Variants in ANKFN1 observed in about 807,000 individuals in gnomAD.
ANKFN1 encodes ankyrin repeat and fibronectin type-III domain-containing protein 1.
Under a neutral mutation model 108.7 loss-of-function variants are expected in ANKFN1, and 74 were observed. That is an observed-to-expected ratio of 0.68 (90% CI 0.56 to 0.83). ANKFN1 has a LOEUF of 0.83. Ranked by LOEUF, ANKFN1 falls within the 40% of genes least tolerant of loss-of-function variation. The probability of loss-of-function intolerance (pLI) is 0.00; values close to 1 mark genes in which losing one functional copy is unlikely to be tolerated. For missense variants in ANKFN1, 1,505 were observed against 1,382.3 expected (o/e 1.09, Z -1.41); for synonymous variants, 547 against 516.2 (o/e 1.06, Z -0.81).
Position 56,456,925 on chromosome 17 carries a change from C to G in ANKFN1, c.1272C>G (p.Phe424Leu). ...TCTCAAGAAGCCTGAAACACCTGTTCCATTCCTCGAACAAGTTTGTGAAGA... is the reference window on the plus strand; with the variant it reads ...TCTCAAGAAGCCTGAAACACCTGTTGCATTCCTCGAACAAGTTTGTGAAGA... ...QSVSRSLKHL[F>L]HSSNKFVKTL... is the part of the protein sequence containing the mutation. The change falls in exon 12 of 21, where the codon TTC (phenylalanine) becomes TTG (leucine). Residue 424 changes from phenylalanine to leucine, a missense_variant. Phe to Leu is a conservative substitution (Grantham distance 22). Coordinates refer to ENST00000682825, the MANE Select transcript of ANKFN1 (RefSeq NM_001370326.1). The G allele has an allele frequency of 6.2e-7, 1 of 1,614,058 alleles. No individual in the cohort carries two copies.
intron 3 of ANKFN1, among the ~76,000 whole-genome samples, chr17:56,239,758 G>A (rs1005540778): frequency 3.3e-5 from 5 of 152,044 alleles, no homozygotes; most frequent in Admixed American, 3.3e-4. Context: ...AAATTCACAT[G>A]GTTCAAGTCT....
At chr17:56,499,416 A>G (rs2051298136) in intron 20 of ANKFN1, among the ~76,000 whole-genome samples, 1 of 152,148 alleles carries the variant, frequency 6.6e-6, no homozygotes, top group Non-Finnish European at 1.5e-5. Flanking sequence ...TGTGATGCCA[A>G]GTGAGGGCCA....
chr17:56,492,833 G>A (rs1462740214), intron 19 of ANKFN1, among the ~76,000 whole-genome samples: 1 of 152,150 alleles, frequency 6.6e-6, no homozygotes, highest in Non-Finnish European at 1.5e-5. Context: ...ACTTTAATAT[G>A]TGGCTGTTAA....
At chr17:56,321,546 T>C (rs2045367728) in intron 3 of ANKFN1, among the ~76,000 whole-genome samples, 1 of 152,022 alleles carries the variant, frequency 6.6e-6, no homozygotes, top group African/African-American at 2.4e-5. Flanking sequence ...TAAATTTATG[T>C]CTAACAAACA....
At chr17:56,428,775 T>C (rs555149054) in intron 8 of ANKFN1, among the ~76,000 whole-genome samples, 1 of 152,114 alleles carries the variant, frequency 6.6e-6, no homozygotes, top group South Asian at 2.1e-4. Flanking sequence ...GGCCCCTTCT[T>C]AAAATGTGCT....
chr17:56,139,110 C>T (rs1404987411), intron 4 of ANKFN1, among the ~76,000 whole-genome samples: 1 of 152,040 alleles, frequency 6.6e-6, no homozygotes, highest in African/African-American at 2.4e-5. Context: ...CCTAAATTTT[C>T]GTTAACATTT....
At chr17:56,173,042 TTC>T (rs1910825666) in intron 1 of ANKFN1, among the ~76,000 whole-genome samples, 1 of 152,238 alleles carries the variant, frequency 6.6e-6, no homozygotes, top group African/African-American at 2.4e-5. Flanking sequence ...TGAGTTGGCT[TTC>T]TCCATCCATT....
chr17:56,303,757 T>G, intron 3 of ANKFN1, among the ~76,000 whole-genome samples: 1 of 152,006 alleles, frequency 6.6e-6, no homozygotes, highest in East Asian at 1.9e-4. Context: ...CAATCTCAGC[T>G]CACTGCGACC....
chr17:56,158,154 C>G (rs774978248), intron 1 of ANKFN1, among the ~76,000 whole-genome samples: 9 of 152,116 alleles, frequency 5.9e-5, no homozygotes, highest in South Asian at 2.1e-4. Flanking sequence ...ACCATGGACT[C>G]GGGGTTGGAT....
At chr17:56,507,441 T>A (rs1023073483) in intron 20 of ANKFN1, among the ~76,000 whole-genome samples, 2 of 152,066 alleles carry the variant, frequency 1.3e-5, no homozygotes, top group South Asian at 4.2e-4. Flanking sequence ...TCACAATTGA[T>A]CACCCCTCCT....
chr17:56,293,324 T>C (rs772156375), intron 3 of ANKFN1, among the ~76,000 whole-genome samples: 1 of 152,196 alleles, frequency 6.6e-6, no homozygotes, highest in African/African-American at 2.4e-5. Context: ...TTGTTTTGAA[T>C]TCATTGTATC....
At chr17:56,311,711 A>G (rs966835081) in intron 3 of ANKFN1, among the ~76,000 whole-genome samples, 1 of 152,234 alleles carries the variant, frequency 6.6e-6, no homozygotes, top group Non-Finnish European at 1.5e-5. Context: ...CAAAATTAGC[A>G]AAAAGTGTTG....
intron 15 of ANKFN1, among the ~76,000 whole-genome samples, chr17:56,475,901 A>C (rs2050481828): frequency 6.6e-6 from 1 of 152,192 alleles, no homozygotes; most frequent in Non-Finnish European, 1.5e-5. Context: ...AGACTGGATA[A>C]TTTATGAGGA....
intron 4 of ANKFN1, among the ~76,000 whole-genome samples, chr17:56,084,070 G>A (rs1905279253): frequency 2.0e-5 from 3 of 151,336 alleles, no homozygotes; most frequent in Non-Finnish European, 4.4e-5. Context: ...ATATAGCCCT[G>A]TGGGAATTCA....
At chr17:56,238,335 C>T (rs1917309023) in intron 3 of ANKFN1, among the ~76,000 whole-genome samples, 2 of 152,062 alleles carry the variant, frequency 1.3e-5, no homozygotes, top group Non-Finnish European at 2.9e-5. Context: ...TGTCAATTTT[C>T]TGCCTCAATG....
At chr17:56,502,633 C>T (rs2051410118) in intron 20 of ANKFN1, among the ~76,000 whole-genome samples, 1 of 152,164 alleles carries the variant, frequency 6.6e-6, no homozygotes, top group Admixed American at 6.5e-5. Flanking sequence ...CTGTCCTTCC[C>T]ACAAGTGTGA....
intron 4 of ANKFN1, among the ~76,000 whole-genome samples, chr17:56,131,324 T>A (rs537203811): frequency 2.5e-4 from 38 of 151,716 alleles, no homozygotes. Flanking sequence ...ATTCAGGAGG[T>A]TTTTAGAAGC....
At chr17:56,466,961 A>G (rs1014363462) in intron 15 of ANKFN1, among the ~76,000 whole-genome samples, 2 of 151,930 alleles carry the variant, frequency 1.3e-5, no homozygotes, top group Non-Finnish European at 2.9e-5. Flanking sequence ...AAAAAAATAA[A>G]TAAATAAATA....
intron 3 of ANKFN1, among the ~76,000 whole-genome samples, chr17:56,239,398 C>G (rs1009556073): frequency 3.3e-5 from 5 of 151,954 alleles, no homozygotes; most frequent in Admixed American, 6.6e-5. Flanking sequence ...GAAGTGTTCC[C>G]AACACAAAGG....
Sources: allele counts gnomAD v4.1 joint callset (sites outside exome capture counted in the v4.1 genomes callset), GRCh38; gene constraint gnomAD v4.1.1; transcripts MANE v1.5; gene names NCBI Gene and HGNC (gene_info 2026-07-23, HGNC 2026-07-21).